RPIA: variants seen among roughly 807,000 people sequenced by gnomAD.
RPIA encodes ribose 5-phosphate isomerase A.
Under a neutral mutation model 37.8 loss-of-function variants are expected in RPIA, and 29 were observed. The observed-to-expected ratio is 0.77, with a 90% CI of 0.57 to 1.05. The LOEUF (loss-of-function observed/expected upper bound fraction) is 1.05, where lower values mean the gene tolerates loss of function less well. Ranked by LOEUF, RPIA falls within the 50% of genes least tolerant of loss-of-function variation. RPIA has a pLI of 0.00. For synonymous variants in RPIA, 167 were observed against 157.0 expected (o/e 1.06, Z -0.48); for missense variants, 385 against 413.6 (o/e 0.93, Z 0.60).
intron 3 of RPIA, among the ~76,000 whole-genome samples, chr2:88,700,483 C>T (rs1351984139): frequency 1.3e-5 from 2 of 152,030 alleles, no homozygotes; most frequent in Non-Finnish European, 2.9e-5. Context: ...GAAAGCCTGC[C>T]TCTACAAAAA....
At chr2:88,738,489 A>G (rs1673343301) in intron 8 of RPIA, among the ~76,000 whole-genome samples, 1 of 152,184 alleles carries the variant, frequency 6.6e-6, no homozygotes, top group Admixed American at 6.5e-5. Context: ...GATGCATGCC[A>G]AAGGCAAGAT....
intron 3 of RPIA, among the ~76,000 whole-genome samples, chr2:88,720,588 T>A (rs928900292): frequency 5.7e-4 from 86 of 150,106 alleles, no homozygotes; most frequent in African/African-American, 2.1e-3. Context: ...TAATTTAAAT[T>A]ATTTTAAAAT....
intron 3 of RPIA, among the ~76,000 whole-genome samples, chr2:88,713,992 G>A (rs1673000894): frequency 6.6e-6 from 1 of 150,776 alleles, no homozygotes; most frequent in Non-Finnish European, 1.5e-5. Context: ...GGTTTCCTCA[G>A]TTGTTTTTTC....
chr2:88,734,112 A>AC (rs1267697457), intron 4 of RPIA, among the ~76,000 whole-genome samples: 1 of 147,472 alleles, frequency 6.8e-6, no homozygotes, highest in African/African-American at 2.5e-5. Flanking sequence ...CATTTTTCCC[A>AC]CCCCCAGTGG....
At chr2:88,730,326 A>G (rs1002471628) in intron 4 of RPIA, among the ~76,000 whole-genome samples, 1 of 103,880 alleles carries the variant, frequency 9.6e-6, no homozygotes, top group East Asian at 3.2e-4. Flanking sequence ...AAAATCCTCA[A>G]TAAAATACTG....
At chr2:88,702,071 C>A (rs964007916) in intron 3 of RPIA, among the ~76,000 whole-genome samples, 3 of 152,142 alleles carry the variant, frequency 2.0e-5, no homozygotes, top group African/African-American at 7.2e-5. Context: ...GATATCTTTG[C>A]ATTTATAACT....
At chr2:88,716,208 T>G (rs1365428075) in intron 3 of RPIA, among the ~76,000 whole-genome samples, 1 of 152,178 alleles carries the variant, frequency 6.6e-6, no homozygotes, top group African/African-American at 2.4e-5. Flanking sequence ...GAATGCAGTC[T>G]TTTGTCTATT....
intron 6 of RPIA, among the ~76,000 whole-genome samples, 194 bp from the exon 7 acceptor site, chr2:88,736,341 T>G (rs975021911): frequency 3.3e-5 from 5 of 152,208 alleles, no homozygotes; most frequent in Non-Finnish European, 5.9e-5. Flanking sequence ...TTTTAACATT[T>G]TTGTCATATT....
chr2:88,736,824 G>A lies in RPIA; in HGVS notation c.738+148G>A, dbSNP rs145727891. 7.5e-4 allele frequency: 782 copies of A among 1,040,640 alleles called. 2 individuals are homozygous for A. In the African/African-American group the frequency reaches 8.4e-3, roughly 11 times the overall value. The allele number at this position is 1,040,640 out of a possible 1,614,324, so 64.5% of individuals were successfully genotyped here. ...TAATTGATGTATTTGTTTATTTTCG[G>A]AGAATTGGCCTGTTAGTTTCTGCAT... is the stretch of plus-strand genomic sequence containing the variant. On this transcript the variant is annotated intron_variant, in intron 7 of 8. Transcript: ENST00000283646.
chr2:88,723,943 A>G (rs1047064130), intron 3 of RPIA, among the ~76,000 whole-genome samples: 5 of 152,178 alleles, frequency 3.3e-5, no homozygotes, highest in Admixed American at 1.3e-4. Context: ...TCATAAGTAT[A>G]TAAGAGACAA....
At chr2:88,732,759 A>AAAAAAAAAAAAAAAT (rs1558698018) in intron 4 of RPIA, among the ~76,000 whole-genome samples, 2 of 11,840 alleles carry the variant, frequency 1.7e-4, no homozygotes, top group East Asian at 1.7e-3. Context: ...AAAAAAAAAA[A>AAAAAAAAAAAAAAAT]AAAAAAGAAA....
At chr2:88,709,004 CCT>C (rs1672930924) in intron 3 of RPIA, among the ~76,000 whole-genome samples, 2 of 152,186 alleles carry the variant, frequency 1.3e-5, no homozygotes, top group African/African-American at 4.8e-5. Flanking sequence ...GATCCACCCG[CCT>C]GGGCCTCCCA....
Position 88,723,181 on chromosome 2 carries a change from C to T in RPIA, c.403-6097C>T, listed in dbSNP as rs551853992. Reference sequence around the variant, plus strand: ...ATAAAAACCCTAACAATATGATCACCGAGTGCTCTAATGGTAAGGAGAGAT... The same window carrying T: ...ATAAAAACCCTAACAATATGATCACTGAGTGCTCTAATGGTAAGGAGAGAT... On this transcript the variant is annotated intron_variant, in intron 3 of 8. Transcript: ENST00000283646. Among the ~76,000 whole-genome samples the T allele has an allele frequency of 5.3e-5, 8 of 152,130 alleles. No individual in the cohort carries two copies. The South Asian group carries it at 6.2e-4, about 12-fold the overall frequency.
At chr2:88,713,571 T>C (rs149149397) in intron 3 of RPIA, among the ~76,000 whole-genome samples, 2 of 152,226 alleles carry the variant, frequency 1.3e-5, no homozygotes, top group African/African-American at 2.4e-5. Context: ...CACCATGATG[T>C]GTCTCTTGGT....
chr2:88,735,775 T>C (rs1158170697), intron 6 of RPIA, 38 bp downstream of exon 6: 3 of 1,594,664 alleles, frequency 1.9e-6, no homozygotes, highest in Non-Finnish European at 1.7e-6. Flanking sequence ...ACTGAGGAGG[T>C]AGATTGGATC....
chr2:88,691,887 G>T lies in RPIA; in HGVS notation c.189G>T (p.Gly63=). The T allele has an allele frequency of 6.3e-7, 1 of 1,596,696 alleles. No individual in the cohort carries two copies. Among genetic ancestry groups the T allele is most frequent in the Non-Finnish European group, 8.5e-7 (1 of 1,172,900 alleles). ...CTGGCAACACAAGCACCAGCTGCGGGGACTCCAACAGCATCTGCCCGGCCC... is the reference window on the plus strand; with the variant it reads ...CTGGCAACACAAGCACCAGCTGCGGTGACTCCAACAGCATCTGCCCGGCCC... ...GGAGNTSTSC[G]DSNSICPAPS... is the part of the protein sequence containing the mutation. Residue 63 remains glycine, a synonymous_variant, in exon 1 of 9, where the codon GGG becomes GGT. Coordinates refer to ENST00000283646, the MANE Select transcript of RPIA (RefSeq NM_144563.3).
intron 8 of RPIA, among the ~76,000 whole-genome samples, chr2:88,742,366 T>A (rs1368040225): frequency 6.6e-6 from 1 of 152,230 alleles, no homozygotes; most frequent in African/African-American, 2.4e-5. Context: ...TGTAAGTATT[T>A]GGCTTTATTT....
chr2:88,711,674 A>AT (rs1214847202), intron 3 of RPIA, among the ~76,000 whole-genome samples: 5 of 152,316 alleles, frequency 3.3e-5, no homozygotes, highest in African/African-American at 9.6e-5. Flanking sequence ...CAGAATGTAG[A>AT]TTTTTTTCCC....
At chr2:88,713,206 C>T (rs1343771584) in intron 3 of RPIA, among the ~76,000 whole-genome samples, 13 of 126,580 alleles carry the variant, frequency 1.0e-4, no homozygotes, top group African/African-American at 1.5e-4. Flanking sequence ...CTGTCACCCA[C>T]GCTGGAGTGC....
Sources: allele counts gnomAD v4.1 joint callset (sites outside exome capture counted in the v4.1 genomes callset), GRCh38; gene constraint gnomAD v4.1.1; transcripts MANE v1.5; gene names NCBI Gene and HGNC (gene_info 2026-07-23, HGNC 2026-07-21).